XIAP: variants seen among roughly 807,000 people sequenced by gnomAD.
XIAP encodes the protein X-linked inhibitor of apoptosis.
A neutral mutation model predicts 33.1 loss-of-function variants in XIAP; 3 were observed. The ratio of observed to expected loss-of-function variants is 0.09; its 90% CI spans 0.04 to 0.23. The LOEUF (loss-of-function observed/expected upper bound fraction) is 0.23. Ranked by LOEUF, XIAP falls within the 10% of genes least tolerant of loss-of-function variation. XIAP has a pLI of 1.00. For synonymous variants in XIAP, 98 were observed against 121.3 expected, an observed-to-expected ratio of 0.81 and a Z score of 1.26; for missense variants, 264 against 363.0, an observed-to-expected ratio of 0.73 and a Z score of 2.22.
intron 1 of XIAP, chrX:123,879,117 A>G (rs1331927897): frequency 9.0e-6 from 1 of 110,990 alleles, no homozygotes; most frequent in Admixed American, 9.8e-5. Flanking sequence ...AAGCCAGGAT[A>G]TAAAAGATCC....
intron 2 of XIAP, 44 bp downstream of exon 2, chrX:123,886,583 C>T (rs764315965): frequency 1.7e-6 from 2 of 1,185,094 alleles, no homozygotes; most frequent in Non-Finnish European, 2.3e-6. Flanking sequence ...CCAAGTATGC[C>T]AGGGCTCATA....
rs1257460500 is a variant in XIAP, at chrX:123,908,084, A to C, written c.*903A>C. On this transcript the variant is annotated 3_prime_UTR_variant, in exon 7 of 7. Coordinates refer to ENST00000371199, the MANE Select transcript of XIAP (RefSeq NM_001167.4). ...TACTTTTGTAATCAGAATTTTTAGA[A>C]AGTATTTTGCTGATTTAAAGGCTTA... The C allele has an allele frequency of 1.4e-5, 5 of 365,362 alleles. No individual in the cohort carries two copies. Among genetic ancestry groups the C allele is most frequent in the Non-Finnish European group, 2.6e-5 (5 of 192,799 alleles). 30.1% of individuals were successfully genotyped at this position (365,362 alleles called of 1,213,427 possible). A position where few individuals can be genotyped will look rare whatever the true frequency, so the allele number is the denominator to read the frequency against.
intron 5 of XIAP, among the ~76,000 whole-genome samples, chrX:123,896,105 T>G (rs1175929954): frequency 9.2e-6 from 1 of 109,057 alleles, no homozygotes; most frequent in Admixed American, 1.0e-4. Context: ...TCTTGCTCAG[T>G]CACCTGGGCT....
At chrX:123,860,807 T>C (rs911846992) in intron 1 of XIAP, among the ~76,000 whole-genome samples, 3 of 112,136 alleles carry the variant, frequency 2.7e-5, no homozygotes, top group African/African-American at 9.7e-5. Context: ...CCATAACACT[T>C]AAATTGTTTT....
chrX:123,892,547 A>G (rs2053417327), intron 4 of XIAP, among the ~76,000 whole-genome samples, 184 bp from the exon 5 acceptor site: 1 of 111,216 alleles, frequency 9.0e-6, no homozygotes, highest in Non-Finnish European at 1.9e-5. Flanking sequence ...AAATGAAGGG[A>G]TTAGATTAGA....
In XIAP at chrX:123,888,685, A is replaced by G. The variant is rs762104197; in HGVS notation, c.944A>G (p.Asp315Gly). 2.5e-6 allele frequency: 3 copies of G among 1,211,350 alleles called. No homozygotes were observed. The highest frequency in any genetic ancestry group is 3.4e-6 in the Non-Finnish European group (3 of 895,115). The change falls in exon 3 of 7, where the codon GAC becomes GGC. Residue 315 changes from aspartate (D) to glycine (G), a missense_variant. By Grantham distance (94) the Asp-to-Gly change is moderately conservative. Transcript: ENST00000371199. ...CTAACTGATTGGAAGCCCAGTGAAG[A>G]CCCTTGGGAACAACATGCTAAATGG... ...GGLTDWKPSE[D>G]PWEQHAKWYP...
chrX:123,908,661 A>C lies in XIAP; in HGVS notation c.*1480A>C, dbSNP rs1237276876. On this transcript the variant is annotated 3_prime_UTR_variant, in exon 7 of 7. Transcript: ENST00000371199. ...TTCTTGGCTAGTAATAGTAGTAGATACTTCTGAAATAAATGTTCTCTCAAG... is the reference window on the plus strand; with the variant it reads ...TTCTTGGCTAGTAATAGTAGTAGATCCTTCTGAAATAAATGTTCTCTCAAG... The C allele has an allele frequency of 1.1e-5, 4 of 356,126 alleles. No individual in the cohort carries two copies. The highest frequency in any genetic ancestry group is 1.0e-4 in the African/African-American group (4 of 39,047). 29.3% of individuals were successfully genotyped at this position (356,126 alleles called of 1,213,427 possible). A position where few individuals can be genotyped will look rare whatever the true frequency, so the allele number is the denominator to read the frequency against.
chrX:123,865,428 A>AT (rs1157362500), intron 1 of XIAP, among the ~76,000 whole-genome samples: 2 of 111,116 alleles, frequency 1.8e-5, no homozygotes, highest in Admixed American at 1.9e-4. Context: ...AATTCAAAAC[A>AT]TAAAAAGGGT....
At chrX:123,895,500 A>G (rs1273938011) in intron 5 of XIAP, among the ~76,000 whole-genome samples, 2 of 81,835 alleles carry the variant, frequency 2.4e-5, no homozygotes, top group East Asian at 5.5e-4. Flanking sequence ...TGGTTATTCT[A>G]TATTTAACCT....
rs1309253987 is a variant in XIAP at position 123,907,966 on chromosome X, A to C, written c.*785A>C. The C allele has an allele frequency of 1.7e-5, 3 of 173,738 alleles. No individual in the cohort carries two copies. Among genetic ancestry groups the C allele is most frequent in the East Asian group, 1.5e-4 (1 of 6,660 alleles). The allele number at this position is 173,738 out of a possible 1,213,427, so 14.3% of individuals were successfully genotyped here. A position where few individuals can be genotyped will look rare whatever the true frequency, so the allele number is the denominator to read the frequency against. On this transcript the variant is annotated 3_prime_UTR_variant, in exon 7 of 7. Transcript: ENST00000371199. ...GTGGTTTCTCTTCGGGGAGGGGGGG[A>C]TTGGGGGAGGGGCCCCAGAGGGGTT...
chrX:123,899,347 C>T (rs749101162), intron 5 of XIAP, among the ~76,000 whole-genome samples: 16 of 100,818 alleles, frequency 1.6e-4, no homozygotes, highest in South Asian at 9.0e-4. Context: ...GTACCCTAAT[C>T]GTAAGTTTTC....
At chrX:123,897,482 G>T (rs1438964179) in intron 5 of XIAP, among the ~76,000 whole-genome samples, 1 of 106,838 alleles carries the variant, frequency 9.4e-6, no homozygotes. Flanking sequence ...TGAGATACCT[G>T]CAGGACATTG....
At position 123,886,215 on chromosome X, in the gene XIAP, G is replaced by A; in HGVS notation, c.553G>A (p.Ala185Thr). Residue 185 changes from alanine (A) to threonine (T), a missense_variant, in exon 2 of 7, where the codon GCA becomes ACA. Ala to Thr is a moderately conservative substitution (Grantham distance 58). Coordinates refer to ENST00000371199, the MANE Select transcript of XIAP (RefSeq NM_001167.4). ...DYAHLTPREL[A>T]SAGLYYTGIG... ...TGCTCACCTAACCCCAAGAGAGTTA[G>A]CAAGTGCTGGACTCTACTACACAGG... 3 of 1,212,033 alleles carry A rather than the reference G, an allele frequency of 2.5e-6. No homozygotes were observed. The South Asian group carries it at 5.3e-5, about 21-fold the overall frequency.
At chrX:123,898,786 C>T (rs1273137032) in intron 5 of XIAP, among the ~76,000 whole-genome samples, 1 of 106,891 alleles carries the variant, frequency 9.4e-6, no homozygotes, top group Non-Finnish European at 1.9e-5. Context: ...AGCCACTGCA[C>T]CCAGCCTCCT....
chrX:123,860,018 C>G, upstream of XIAP: 3 of 319,188 alleles, frequency 9.4e-6, no homozygotes, highest in South Asian at 7.9e-5. Context: ...GCAGCCCGGG[C>G]TGGGAGACTG....
At chrX:123,863,566 A>G (rs1380021568) in intron 1 of XIAP, among the ~76,000 whole-genome samples, 5 of 110,800 alleles carry the variant, frequency 4.5e-5, no homozygotes, top group East Asian at 5.8e-4. Flanking sequence ...CTGGAGTGCA[A>G]TGGTGCGATC....
Position 123,869,362 on chromosome X carries a change from CAAAAAAAAA to C in XIAP, c.-33+9083_-33+9091del, listed in dbSNP as rs57436822. On this transcript the variant is annotated intron_variant, in intron 1 of 6. Transcript: ENST00000371199. Reference sequence around the variant, plus strand: ...AAACCCCATCTCTACTAAAAAAATACAAAAAAAAAAAAAAAAAAAAAAGCTGGGTCATGC... The same window carrying C: ...AAACCCCATCTCTACTAAAAAAATACAAAAAAAAAAAAAGCTGGGTCATGC... Among the ~76,000 whole-genome samples the C allele has an allele frequency of 4.0e-4, 12 of 29,723 alleles. 1 individual carries two copies. Among genetic ancestry groups the C allele is most frequent in the Non-Finnish European group, 1.7e-4 (3 of 17,849 alleles). The allele number at this position is 29,723 out of a possible 115,157, so 25.8% of individuals were successfully genotyped here.
chrX:123,905,071 G>T (rs982078522), intron 6 of XIAP, among the ~76,000 whole-genome samples: 2 of 111,539 alleles, frequency 1.8e-5, no homozygotes, highest in Non-Finnish European at 3.8e-5. Context: ...GCCCAAGAGG[G>T]TACTTTTTAA....
At chrX:123,894,739 C>G (rs952908610) in intron 5 of XIAP, among the ~76,000 whole-genome samples, 1 of 108,359 alleles carries the variant, frequency 9.2e-6, no homozygotes, top group Non-Finnish European at 1.9e-5. Context: ...TTGCACTACA[C>G]CCTGGGCAAA....
Sources: gnomAD v4.1 joint callset for allele counts (sites outside exome capture counted in the v4.1 genomes callset) on GRCh38, gnomAD v4.1.1 for gene constraint, MANE v1.5 for transcripts, NCBI Gene and HGNC (gene_info 2026-07-23, HGNC 2026-07-21) for gene names.